MAGI2: variants seen among roughly 807,000 people sequenced by gnomAD.
MAGI2 encodes membrane associated guanylate kinase, WW and PDZ domain containing 2.
In MAGI2, 35 loss-of-function variants were observed where a neutral mutation model predicts 133.3. The observed-to-expected ratio is 0.26, with a 90% confidence interval of 0.20 to 0.35. The LOEUF is 0.35. Among genes scored for constraint, MAGI2 ranks in the 10% least tolerant of loss-of-function variants. The probability of loss-of-function intolerance (pLI) is 1.00; values close to 1 mark genes in which losing one functional copy is unlikely to be tolerated. For synonymous variants in MAGI2, 729 were observed against 710.6 expected (o/e 1.03, Z -0.41); for missense variants, 1,636 against 1,863.4 (o/e 0.88, Z 2.25).
intron 15 of MAGI2, among the ~76,000 whole-genome samples, chr7:78,162,992 A>G (rs548132013): frequency 2.6e-5 from 4 of 152,198 alleles, no homozygotes; most frequent in Non-Finnish European, 4.4e-5. Context: ...TAAAGTGACT[A>G]AAATTCATGT....
At chr7:78,280,853 CAAAAAAAAA>C (rs36097343) in intron 9 of MAGI2, among the ~76,000 whole-genome samples, 2 of 108,070 alleles carry the variant, frequency 1.9e-5, no homozygotes, top group Non-Finnish European at 3.6e-5. Flanking sequence ...GATGGGTATA[CAAAAAAAAA>C]AAAAAAAAAA....
chr7:78,069,261 C>T (rs1010524032), intron 21 of MAGI2, among the ~76,000 whole-genome samples: 1 of 152,034 alleles, frequency 6.6e-6, no homozygotes, highest in African/African-American at 2.4e-5. Context: ...GCAGGCCTGG[C>T]CTTTACAATA....
chr7:78,944,881 T>C (rs1286613130), intron 2 of MAGI2, among the ~76,000 whole-genome samples: 1 of 151,664 alleles, frequency 6.6e-6, no homozygotes, highest in Non-Finnish European at 1.5e-5. Context: ...GAACTACAGG[T>C]GCACGCCACT....
intron 1 of MAGI2, among the ~76,000 whole-genome samples, chr7:79,452,023 ATCCACATCACAGCC>A (rs1408537867): frequency 6.6e-6 from 1 of 152,156 alleles, no homozygotes; most frequent in Non-Finnish European, 1.5e-5. Flanking sequence ...ATCTCCCCAA[ATCCACATCACAGCC>A]TCCAATTGAG....
intron 21 of MAGI2, among the ~76,000 whole-genome samples, chr7:78,062,270 C>T (rs3779320): frequency 0.2 from 30,262 of 152,180 alleles, 3,391 homozygotes; most frequent in Middle Eastern, 0.27. Context: ...GGTGTCCACA[C>T]TGGGTGGGTT....
chr7:78,812,964 C>A (rs894622004), intron 2 of MAGI2, among the ~76,000 whole-genome samples: 2 of 152,134 alleles, frequency 1.3e-5, no homozygotes, highest in Middle Eastern at 3.2e-3. Context: ...CATAAAAATA[C>A]AGGCTAGAGG....
intron 6 of MAGI2, among the ~76,000 whole-genome samples, chr7:78,427,669 A>T (rs1187671076): frequency 6.6e-6 from 1 of 151,902 alleles, no homozygotes; most frequent in Non-Finnish European, 1.5e-5. Context: ...CAAAAAAAAA[A>T]AAAAACAGCC....
intron 1 of MAGI2, among the ~76,000 whole-genome samples, chr7:79,262,654 G>A (rs970767965): frequency 6.6e-6 from 1 of 152,188 alleles, no homozygotes; most frequent in Non-Finnish European, 1.5e-5. Context: ...TACAAAGTGA[G>A]TTGCTAGACC....
intron 1 of MAGI2, among the ~76,000 whole-genome samples, chr7:79,392,674 T>C (rs1844751168): frequency 2.0e-5 from 3 of 152,234 alleles, no homozygotes; most frequent in Admixed American, 1.3e-4. Context: ...GAAGTGTCTG[T>C]TCATAACCTT....
intron 1 of MAGI2, chr7:79,413,472 C>G: frequency 6.6e-6 from 1 of 152,140 alleles, no homozygotes; most frequent in East Asian, 1.9e-4. Context: ...AAAACTATCA[C>G]AGAAAACAGA....
chr7:78,668,090 T>A (rs1191200102), intron 2 of MAGI2, among the ~76,000 whole-genome samples: 2 of 152,206 alleles, frequency 1.3e-5, no homozygotes, highest in African/African-American at 4.8e-5. Context: ...CCATTCTAAC[T>A]GGTGTGAGAT....
intron 1 of MAGI2, among the ~76,000 whole-genome samples, chr7:79,425,188 GT>G (rs1395537559): frequency 6.6e-6 from 1 of 151,550 alleles, no homozygotes; most frequent in African/African-American, 2.4e-5. Flanking sequence ...GGCATCGGAG[GT>G]TGCAGTGAGC....
At chr7:78,862,951 T>C (rs1794269123) in intron 2 of MAGI2, among the ~76,000 whole-genome samples, 5 of 152,244 alleles carry the variant, frequency 3.3e-5, no homozygotes, top group African/African-American at 1.2e-4. Flanking sequence ...TCAACTTTTT[T>C]CTGCCAATTC....
chr7:78,687,070 C>T (rs1182074613), intron 2 of MAGI2, among the ~76,000 whole-genome samples: 1 of 152,140 alleles, frequency 6.6e-6, no homozygotes, highest in Non-Finnish European at 1.5e-5. Flanking sequence ...AATACTGAAT[C>T]CTCCCCTTCA....
At chr7:79,222,760 A>G (rs1013050525) in intron 1 of MAGI2, among the ~76,000 whole-genome samples, 3 of 152,044 alleles carry the variant, frequency 2.0e-5, no homozygotes, top group Non-Finnish European at 4.4e-5. Context: ...TAAACATTCC[A>G]GTTTCATTAT....
chr7:78,055,819 T>C (rs1032498954), intron 21 of MAGI2, among the ~76,000 whole-genome samples: 3 of 152,158 alleles, frequency 2.0e-5, no homozygotes, highest in African/African-American at 7.2e-5. Context: ...GCACCTCTTA[T>C]CTAATTGTCC....
At chr7:78,102,489 C>T (rs1563123289) in intron 20 of MAGI2, among the ~76,000 whole-genome samples, 2 of 152,116 alleles carry the variant, frequency 1.3e-5, no homozygotes, top group Non-Finnish European at 2.9e-5. Flanking sequence ...TTCTATTTGT[C>T]AGTCATACTT....
chr7:79,261,275 C>T (rs1053262143), intron 1 of MAGI2, among the ~76,000 whole-genome samples: 3 of 152,138 alleles, frequency 2.0e-5, no homozygotes, highest in Admixed American at 1.3e-4. Flanking sequence ...ATTTATTGTC[C>T]CTTGACGTCC....
At chr7:79,198,867 G>A (rs989657005) in intron 1 of MAGI2, among the ~76,000 whole-genome samples, 3 of 152,008 alleles carry the variant, frequency 2.0e-5, no homozygotes, top group Non-Finnish European at 4.4e-5. Context: ...TAGGCTGGGT[G>A]ACAGAATGAG....
Sources: gnomAD v4.1 joint callset for allele counts (sites outside exome capture counted in the v4.1 genomes callset) on GRCh38, gnomAD v4.1.1 for gene constraint, MANE v1.5 for transcripts, NCBI Gene and HGNC (gene_info 2026-07-23, HGNC 2026-07-21) for gene names.